The following RBFOX1 variants were observed in gnomAD, a reference collection of about 807,000 sequenced individuals.
RBFOX1 encodes the protein RNA binding protein fox-1 homolog 1.
Under a neutral mutation model 57.7 loss-of-function variants are expected in RBFOX1, and 8 were observed. The ratio of observed to expected loss-of-function variants is 0.14; its 90% CI spans 0.08 to 0.25. The LOEUF (loss-of-function observed/expected upper bound fraction) is 0.25. Ranked by LOEUF, RBFOX1 falls within the 10% of genes least tolerant of loss-of-function variation. RBFOX1 has a pLI of 1.00. For missense variants in RBFOX1, 611 were observed against 548.5 expected, an observed-to-expected ratio of 1.11 and a Z score of -1.14; for synonymous variants, 326 against 222.4, an observed-to-expected ratio of 1.47 and a Z score of -4.15.
At chr16:7,554,309 A>C (rs191113734) in intron 5 of RBFOX1, among the ~76,000 whole-genome samples, 2 of 152,362 alleles carry the variant, frequency 1.3e-5, no homozygotes, top group African/African-American at 4.8e-5. Context: ...GACTGTGCTA[A>C]ATACTTTCCA....
chr16:7,685,836 G>T (rs910503997), intron 14 of RBFOX1, among the ~76,000 whole-genome samples: 1 of 152,012 alleles, frequency 6.6e-6, no homozygotes, highest in East Asian at 1.9e-4. Flanking sequence ...TTTGAAATCA[G>T]ATCTTTTATT....
At chr16:6,873,306 G>C (rs191610097) in intron 3 of RBFOX1, among the ~76,000 whole-genome samples, 1 of 152,056 alleles carries the variant, frequency 6.6e-6, no homozygotes, top group Admixed American at 6.6e-5. Context: ...AACACCTTGA[G>C]CTTCCTTATG....
At chr16:6,794,382 C>T (rs143751054) in intron 3 of RBFOX1, among the ~76,000 whole-genome samples, 2 of 147,748 alleles carry the variant, frequency 1.4e-5, no homozygotes, top group Admixed American at 6.8e-5. Context: ...TAACTACACT[C>T]TTTGAAAAAA....
intron 4 of RBFOX1, among the ~76,000 whole-genome samples, chr16:7,416,826 C>T (rs6500962): frequency 0.072 from 10,924 of 151,944 alleles, 1,342 homozygotes; most frequent in African/African-American, 0.25. Flanking sequence ...CTACTAAATG[C>T]CAAGGTTTGG....
rs8046968 is a variant in RBFOX1, at chr16:6,939,038, A to G, written c.-15-113019A>G. Among the ~76,000 whole-genome samples the G allele has an allele frequency of 5.1e-3, 773 of 152,270 alleles. 15 individuals carry two copies. Among genetic ancestry groups the G allele is most frequent in the African/African-American group, 0.018 (741 of 41,546 alleles). On this transcript the variant is annotated intron_variant, in intron 3 of 15. Coordinates refer to ENST00000550418, the MANE Select transcript of RBFOX1 (RefSeq NM_018723.4). ...TAGAGATCTGCCTTGACATGTGACG[A>G]ACTCTGGAATATCAATGCTACCATG...
chr16:6,251,217 A>G (rs1437496263), intron 1 of RBFOX1, among the ~76,000 whole-genome samples: 1 of 152,194 alleles, frequency 6.6e-6, no homozygotes. Context: ...CTAAACACTG[A>G]CAAGTATTAA....
At chr16:7,693,416 C>CGT in intron 14 of RBFOX1, 1 of 782,666 alleles carries the variant, frequency 1.3e-6, no homozygotes, top group Non-Finnish European at 1.8e-6. Flanking sequence ...TCTCAGTATC[C>CGT]TTTTTTTTTT....
Position 7,163,154 on chromosome 16 carries a change from C to G in RBFOX1, c.27+111056C>G, listed in dbSNP as rs962247177. ...CTCAACACTTTTGACATTTTTTTTT[C>G]TCATTTTAATATTGGCCAACTGAGA... On this transcript the variant is annotated intron_variant, in intron 4 of 15. Coordinates refer to ENST00000550418, the MANE Select transcript of RBFOX1 (RefSeq NM_018723.4). 2.6e-5 allele frequency among the ~76,000 whole-genome samples: 4 copies of G among 151,762 alleles called. No homozygotes were observed. The East Asian group carries it at 5.8e-4, about 22-fold the overall frequency.
intron 4 of RBFOX1, among the ~76,000 whole-genome samples, chr16:7,225,059 T>G (rs556555657): frequency 4.7e-4 from 71 of 152,312 alleles, no homozygotes; most frequent in Non-Finnish European, 8.8e-4. Flanking sequence ...AATAAAGTGA[T>G]ATGTTTAAAA....
chr16:7,193,840 A>G (rs2086028952), intron 4 of RBFOX1, among the ~76,000 whole-genome samples: 1 of 152,248 alleles, frequency 6.6e-6, no homozygotes, highest in South Asian at 2.1e-4. Context: ...CAAAATGATC[A>G]GACATGTCAC....
intron 4 of RBFOX1, among the ~76,000 whole-genome samples, chr16:7,083,488 C>G (rs1034184034): frequency 3.3e-5 from 5 of 152,062 alleles, no homozygotes; most frequent in Non-Finnish European, 7.4e-5. Context: ...ACATACCAAT[C>G]CACTGGTGTA....
At chr16:6,442,102 G>A (rs1306643744) in intron 2 of RBFOX1, among the ~76,000 whole-genome samples, 10 of 152,116 alleles carry the variant, frequency 6.6e-5, no homozygotes, top group East Asian at 1.9e-4. Context: ...ACAGGCTGCC[G>A]GGTGATAGAA....
rs1000391647 is a variant in RBFOX1, at chr16:6,473,560, C to G, written c.-64+156503C>G. On this transcript the variant is annotated intron_variant, in intron 2 of 15. Coordinates refer to ENST00000550418, the MANE Select transcript of RBFOX1 (RefSeq NM_018723.4). ...TTTTGTTAATCCTGTTGACAAAAAA[C>G]ATAGCTTCTGTTATTTTTATTTGGT... Among the ~76,000 whole-genome samples, 5 of 150,996 alleles carry G rather than the reference C, an allele frequency of 3.3e-5. No individual in the cohort carries two copies. In the South Asian group the frequency reaches 1.0e-3, roughly 31 times the overall value.
At chr16:7,236,363 C>G (rs903719572) in intron 4 of RBFOX1, among the ~76,000 whole-genome samples, 1 of 152,152 alleles carries the variant, frequency 6.6e-6, no homozygotes, top group Admixed American at 6.5e-5. Context: ...CATTTCTCCC[C>G]TTCCTATTTT....
intron 2 of RBFOX1, among the ~76,000 whole-genome samples, chr16:5,467,983 G>C (rs867985761): frequency 6.6e-6 from 1 of 152,146 alleles, no homozygotes; most frequent in Non-Finnish European, 1.5e-5. Context: ...TGAGTGGATT[G>C]GGGATGGTTT....
At chr16:7,624,380 A>G (rs889484331) in intron 10 of RBFOX1, among the ~76,000 whole-genome samples, 2 of 152,248 alleles carry the variant, frequency 1.3e-5, no homozygotes, top group African/African-American at 4.8e-5. Context: ...CTTAGTGAGC[A>G]GTGTGACTAA....
intron 4 of RBFOX1, among the ~76,000 whole-genome samples, chr16:7,318,573 C>A (rs1057464473): frequency 6.6e-6 from 1 of 152,086 alleles, no homozygotes; most frequent in Admixed American, 6.6e-5. Context: ...ATTATGAAGA[C>A]TAAATTATTT....
At chr16:7,413,331 C>T (rs1333737730) in intron 4 of RBFOX1, among the ~76,000 whole-genome samples, 1 of 151,940 alleles carries the variant, frequency 6.6e-6, no homozygotes, top group Non-Finnish European at 1.5e-5. Flanking sequence ...TGCCTCCCTT[C>T]CCCAGTCTTC....
intron 3 of RBFOX1, among the ~76,000 whole-genome samples, chr16:5,646,832 A>G (rs2049070001): frequency 6.6e-6 from 1 of 151,880 alleles, no homozygotes. Context: ...ACAGGGTTTC[A>G]CTGTGTTAGC....
Sources: gnomAD v4.1 joint callset for allele counts (sites outside exome capture counted in the v4.1 genomes callset) on GRCh38, gnomAD v4.1.1 for gene constraint, MANE v1.5 for transcripts, NCBI Gene and HGNC (gene_info 2026-07-23, HGNC 2026-07-21) for gene names.